Variants in RGS7 observed in about 807,000 individuals in gnomAD.
RGS7 encodes the protein regulator of G protein signaling 7.
RGS7 carries 27 observed loss-of-function variants against 81.1 expected under a neutral mutation model. The observed-to-expected ratio is 0.33, with a 90% CI of 0.25 to 0.46. RGS7 has a LOEUF of 0.46. Among genes scored for constraint, RGS7 ranks in the 20% least tolerant of loss-of-function variants. The pLI is 1.00. For missense variants in RGS7, 396 were observed against 607.4 expected, an observed-to-expected ratio of 0.65 and a Z score of 3.66; for synonymous variants, 208 against 207.7, an observed-to-expected ratio of 1.00 and a Z score of -0.01.
intron 2 of RGS7, among the ~76,000 whole-genome samples, chr1:241,110,694 C>CT (rs533691961): frequency 0.19 from 27,015 of 139,912 alleles, 4,021 homozygotes; most frequent in African/African-American, 0.41. Flanking sequence ...CTCACTCACT[C>CT]TTTTTTTTTT....
chr1:241,025,236 G>A (rs498319), intron 3 of RGS7, among the ~76,000 whole-genome samples: 29 of 152,102 alleles, frequency 1.9e-4, no homozygotes, highest in Non-Finnish European at 5.9e-5. Context: ...GGACAGGTCA[G>A]TGGTTAGCAG....
intron 2 of RGS7, among the ~76,000 whole-genome samples, chr1:241,216,511 G>C (rs1289474963): frequency 1.3e-5 from 2 of 152,116 alleles, no homozygotes; most frequent in Admixed American, 1.3e-4. Flanking sequence ...TGTGGGAAGA[G>C]AGATAGAGTT....
At chr1:240,971,490 AT>A (rs1683204538) in intron 4 of RGS7, among the ~76,000 whole-genome samples, 1 of 152,234 alleles carries the variant, frequency 6.6e-6, no homozygotes, top group Admixed American at 6.5e-5. Flanking sequence ...GTAGAACTAC[AT>A]ATAAGATTCC....
At chr1:241,242,306 GTAGATAGATAGATAGATAGA>G (rs58976335) in intron 2 of RGS7, among the ~76,000 whole-genome samples, 8 of 147,442 alleles carry the variant, frequency 5.4e-5, no homozygotes, top group Non-Finnish European at 7.4e-5. Context: ...CTATGGATGA[GTAGATAGATAGATAGATAGA>G]TAGATAGATA....
At chr1:240,956,446 T>C (rs541704170) in intron 4 of RGS7, among the ~76,000 whole-genome samples, 1 of 149,772 alleles carries the variant, frequency 6.7e-6, no homozygotes, top group East Asian at 2.0e-4. Flanking sequence ...AATAAATAAA[T>C]AGAAACATCT....
At chr1:240,835,550 C>G (rs541750361) in intron 9 of RGS7, among the ~76,000 whole-genome samples, 2 of 152,308 alleles carry the variant, frequency 1.3e-5, no homozygotes, top group Non-Finnish European at 2.9e-5. Context: ...ACAAAACACT[C>G]TAACCATTCG....
intron 3 of RGS7, among the ~76,000 whole-genome samples, chr1:241,024,929 A>C (rs2059715850): frequency 6.6e-6 from 1 of 152,220 alleles, no homozygotes; most frequent in South Asian, 2.1e-4. Context: ...TATCCATTTT[A>C]ATTTTTGATA....
At chr1:241,152,446 T>C (rs751308923) in intron 2 of RGS7, among the ~76,000 whole-genome samples, 3 of 152,200 alleles carry the variant, frequency 2.0e-5, no homozygotes, top group Non-Finnish European at 2.9e-5. Context: ...TATTCAACAA[T>C]AATTGGGAGC....
chr1:241,054,958 T>C (rs183550255), intron 3 of RGS7, among the ~76,000 whole-genome samples: 1 of 152,128 alleles, frequency 6.6e-6, no homozygotes, highest in Non-Finnish European at 1.5e-5. Context: ...CTAACTATGG[T>C]CTGAAAGACC....
At chr1:240,820,746 G>C (rs1558304837) in intron 10 of RGS7, among the ~76,000 whole-genome samples, 1 of 152,132 alleles carries the variant, frequency 6.6e-6, no homozygotes, top group African/African-American at 2.4e-5. Context: ...CTGGTGCCTT[G>C]ATCTTGGACT....
chr1:241,169,313 T>G (rs1572970980), intron 2 of RGS7, among the ~76,000 whole-genome samples: 1 of 149,120 alleles, frequency 6.7e-6, no homozygotes. Context: ...AATGTGACAA[T>G]GTATGTCTAT....
At chr1:240,877,673 A>C (rs1665676134) in intron 6 of RGS7, among the ~76,000 whole-genome samples, 1 of 152,164 alleles carries the variant, frequency 6.6e-6, no homozygotes, top group South Asian at 2.1e-4. Flanking sequence ...TTTGGGTGAT[A>C]GCTATTATTT....
intron 2 of RGS7, among the ~76,000 whole-genome samples, chr1:241,252,304 A>G (rs772220496): frequency 7.2e-5 from 11 of 152,158 alleles, no homozygotes; most frequent in Non-Finnish European, 1.6e-4. Context: ...TTGGCCTCCC[A>G]AAGTGTTGGG....
intron 6 of RGS7, among the ~76,000 whole-genome samples, chr1:240,922,748 C>T (rs983002252): frequency 6.6e-6 from 1 of 152,072 alleles, no homozygotes; most frequent in African/African-American, 2.4e-5. Flanking sequence ...GCAACAGGAA[C>T]TTGCATTCAT....
intron 18 of RGS7, among the ~76,000 whole-genome samples, chr1:240,794,146 G>T (rs571062609): frequency 2.6e-4 from 40 of 152,132 alleles, no homozygotes; most frequent in African/African-American, 9.4e-4. Context: ...GGGTGTTTGT[G>T]TCAGTTGAGG....
Position 241,295,203 on chromosome 1 carries a change from C to T in RGS7, c.78+60496G>A, listed in dbSNP as rs541102587. Among the ~76,000 whole-genome samples, 4 of 152,204 alleles carry T rather than the reference C, an allele frequency of 2.6e-5. No homozygotes were observed. In the East Asian group the frequency reaches 7.7e-4, roughly 29 times the overall value. On this transcript the variant is annotated intron_variant, in intron 2 of 18. Coordinates refer to ENST00000440928, the MANE Select transcript of RGS7 (RefSeq NM_001364886.1). The stretch of plus-strand genomic sequence containing the variant: ...GTGGCTCACGCCTGTAATCCCAGCA[C>T]TTTGGGAGGCCAAGGCGGGCGGATC...
At chr1:241,355,337 T>C (rs1228752786) in intron 2 of RGS7, among the ~76,000 whole-genome samples, 2 of 152,254 alleles carry the variant, frequency 1.3e-5, no homozygotes, top group African/African-American at 4.8e-5. Flanking sequence ...ATCATTATTA[T>C]AACCTAAATG....
rs191299510 is a variant in RGS7 at position 241,248,465 on chromosome 1, G to A, written c.78+107234C>T. 3.9e-4 allele frequency among the ~76,000 whole-genome samples: 58 copies of A among 149,802 alleles called. No homozygotes were observed. In the South Asian group the frequency reaches 4.0e-3, roughly 10 times the overall value. ...CCTTTTGGAAAAATATATTTTGGTC[G>A]TTTACATTTAATGTAAGTATTGATA... On this transcript the variant is annotated intron_variant, in intron 2 of 18. Coordinates refer to ENST00000440928, the MANE Select transcript of RGS7 (RefSeq NM_001364886.1).
chr1:240,927,355 G>A (rs183656405), intron 6 of RGS7, among the ~76,000 whole-genome samples: 99 of 152,210 alleles, frequency 6.5e-4, no homozygotes, highest in Non-Finnish European at 1.1e-3. Context: ...GTGAGCCACC[G>A]CGCACAGCCA....
Sources: gnomAD v4.1 joint callset for allele counts (sites outside exome capture counted in the v4.1 genomes callset) on GRCh38, gnomAD v4.1.1 for gene constraint, MANE v1.5 for transcripts, NCBI Gene and HGNC (gene_info 2026-07-23, HGNC 2026-07-21) for gene names.